Variants in FHIT observed in about 807,000 individuals in gnomAD.
FHIT encodes fragile histidine triad diadenosine triphosphatase.
Under a neutral mutation model 17.9 loss-of-function variants are expected in FHIT, and 19 were observed. That is an observed-to-expected ratio of 1.06 (90% confidence interval 0.74 to 1.56). The LOEUF (loss-of-function observed/expected upper bound fraction) is 1.56, where lower values mean the gene tolerates loss of function less well. Ranked by LOEUF, FHIT falls within the 40% of genes most tolerant of loss-of-function variation. FHIT has a pLI of 0.00. For missense variants in FHIT, 248 were observed against 189.2 expected (o/e 1.31, Z -1.82); for synonymous variants, 81 against 69.7 (o/e 1.16, Z -0.81).
chr3:60,799,847 G>A (rs1200603077), intron 4 of FHIT, among the ~76,000 whole-genome samples: 1 of 152,062 alleles, frequency 6.6e-6, no homozygotes, highest in African/African-American at 2.4e-5. Flanking sequence ...ATATTTATCT[G>A]TTTACTTGTA....
chr3:59,859,123 G>T (rs1209325306), intron 8 of FHIT, among the ~76,000 whole-genome samples: 1 of 152,166 alleles, frequency 6.6e-6, no homozygotes, highest in East Asian at 1.9e-4. Context: ...GATGATCCTG[G>T]AGCATCTTTT....
At chr3:60,253,554 G>A (rs1705834327) in intron 5 of FHIT, among the ~76,000 whole-genome samples, 1 of 152,172 alleles carries the variant, frequency 6.6e-6, no homozygotes, top group Admixed American at 6.5e-5. Context: ...CTTTCTCTCT[G>A]TTTTGCAGTC....
intron 4 of FHIT, among the ~76,000 whole-genome samples, chr3:60,574,255 T>G (rs529625014): frequency 1.1e-4 from 16 of 152,200 alleles, no homozygotes; most frequent in South Asian, 8.3e-4. Flanking sequence ...CTTTCTCACT[T>G]TCTGCCTTTT....
At chr3:61,209,704 G>C (rs2106748328) in intron 1 of FHIT, among the ~76,000 whole-genome samples, 1 of 152,134 alleles carries the variant, frequency 6.6e-6, no homozygotes. Context: ...ATTCTAGTTA[G>C]CCATTCATCT....
chr3:59,823,380 G>T (rs1005828444), intron 8 of FHIT, among the ~76,000 whole-genome samples: 2 of 152,026 alleles, frequency 1.3e-5, no homozygotes, highest in Non-Finnish European at 2.9e-5. Flanking sequence ...ACTGCTTTAG[G>T]CAGTATGGTC....
At chr3:60,648,100 G>C (rs528131545) in intron 4 of FHIT, among the ~76,000 whole-genome samples, 16 of 152,234 alleles carry the variant, frequency 1.1e-4, no homozygotes, top group African/African-American at 3.9e-4. Flanking sequence ...TGAGAGGACA[G>C]AGGATAGATG....
At chr3:59,790,052 G>C (rs570635525) in intron 8 of FHIT, among the ~76,000 whole-genome samples, 1 of 152,272 alleles carries the variant, frequency 6.6e-6, no homozygotes, top group Admixed American at 6.5e-5. Context: ...CTATTTTCAG[G>C]AGTGTATAAA....
chr3:61,068,808 C>T (rs61169409), intron 2 of FHIT, among the ~76,000 whole-genome samples: 6,837 of 152,182 alleles, frequency 0.045, 496 homozygotes, highest in African/African-American at 0.15. Context: ...GTTGGAAAGT[C>T]AATGAAAGCT....
chr3:61,205,201 T>A (rs1233960683), intron 1 of FHIT, among the ~76,000 whole-genome samples: 3 of 152,126 alleles, frequency 2.0e-5, no homozygotes, highest in African/African-American at 7.2e-5. Flanking sequence ...TGTGCCACAT[T>A]TTCTTAATCC....
chr3:59,835,390 C>T (rs1465510875), intron 8 of FHIT, among the ~76,000 whole-genome samples: 1 of 152,166 alleles, frequency 6.6e-6, no homozygotes, highest in Non-Finnish European at 1.5e-5. Flanking sequence ...TGAAGCTCTC[C>T]TAATCTTCAT....
At chr3:60,374,722 A>G (rs1210730503) in intron 5 of FHIT, among the ~76,000 whole-genome samples, 1 of 152,008 alleles carries the variant, frequency 6.6e-6, no homozygotes, top group Non-Finnish European at 1.5e-5. Context: ...TGCAGCCCGA[A>G]GTCAAGATCA....
At chr3:60,393,769 C>T (rs1701325994) in intron 5 of FHIT, among the ~76,000 whole-genome samples, 1 of 152,080 alleles carries the variant, frequency 6.6e-6, no homozygotes, top group Non-Finnish European at 1.5e-5. Flanking sequence ...CTCTGGCAAC[C>T]ATGAACTCTT....
chr3:60,744,155 C>T (rs2108015081), intron 4 of FHIT, among the ~76,000 whole-genome samples: 1 of 151,244 alleles, frequency 6.6e-6, no homozygotes, highest in African/African-American at 2.4e-5. Flanking sequence ...TAAAGCTCCT[C>T]TCTCTTGCCG....
intron 8 of FHIT, among the ~76,000 whole-genome samples, chr3:59,789,729 T>A (rs945778335): frequency 3.3e-5 from 5 of 152,158 alleles, no homozygotes; most frequent in African/African-American, 9.7e-5. Context: ...TTAGAAAAAT[T>A]ATGAATCTAG....
intron 8 of FHIT, among the ~76,000 whole-genome samples, chr3:59,786,547 T>C (rs1395305450): frequency 6.6e-6 from 1 of 152,204 alleles, no homozygotes; most frequent in Non-Finnish European, 1.5e-5. Flanking sequence ...ACTACGGTAA[T>C]GTGGAATAAT....
At position 59,764,541 on chromosome 3, in the gene FHIT, A is replaced by C. The variant is rs1023573734; in HGVS notation, c.349-12220T>G. On this transcript the variant is annotated intron_variant, in intron 8 of 9. Transcript: ENST00000492590. ...AAATCCATTAAGTTCTGATGGAGCT[A>C]TTCCAACGCCCTTCAAAGAACCTGG... is the stretch of plus-strand genomic sequence containing the variant. Among the ~76,000 whole-genome samples, 6 of 152,214 alleles carry C rather than the reference A, an allele frequency of 3.9e-5. No individual in the cohort carries two copies. The East Asian group carries it at 1.2e-3, about 29-fold the overall frequency.
chr3:60,922,882 A>G (rs1553768754), intron 3 of FHIT, among the ~76,000 whole-genome samples: 1 of 152,264 alleles, frequency 6.6e-6, no homozygotes, highest in African/African-American at 2.4e-5. Context: ...CTCACAGTCA[A>G]TACATGTACA....
chr3:61,240,587 G>C (rs2040350824), intron 1 of FHIT, among the ~76,000 whole-genome samples: 1 of 152,124 alleles, frequency 6.6e-6, no homozygotes, highest in African/African-American at 2.4e-5. Flanking sequence ...GGTATTATGG[G>C]CAAATAGATA....
chr3:60,317,845 C>G lies in FHIT; in HGVS notation c.103+219015G>C, dbSNP rs537394364. Among the ~76,000 whole-genome samples, 6 of 149,946 alleles carry G rather than the reference C, an allele frequency of 4.0e-5. No individual in the cohort carries two copies. The East Asian group carries it at 1.2e-3, about 30-fold the overall frequency. On this transcript the variant is annotated intron_variant, in intron 5 of 9. Transcript: ENST00000492590. ...TCACTCTGTTGCTGAGGCTGTAGTA[C>G]AGTGGTGCAGTCTTTGCTCACTGCA...
Sources: allele counts gnomAD v4.1 joint callset (sites outside exome capture counted in the v4.1 genomes callset), GRCh38; gene constraint gnomAD v4.1.1; transcripts MANE v1.5; gene names NCBI Gene and HGNC (gene_info 2026-07-23, HGNC 2026-07-21).